DZIP3: variants seen among roughly 807,000 people sequenced by gnomAD.
DZIP3 encodes the protein DAZ interacting zinc finger protein 3, also known as E3 ubiquitin-protein ligase DZIP3.
Under a neutral mutation model 162.0 loss-of-function variants are expected in DZIP3, and 118 were observed. That is an observed-to-expected ratio of 0.73 (90% CI 0.63 to 0.85). The LOEUF is 0.85. DZIP3 is among the 40% of genes least tolerant of loss of function. The pLI is 0.00. For missense variants in DZIP3, 1,331 were observed against 1,407.0 expected, an observed-to-expected ratio of 0.95 and a Z score of 0.86; for synonymous variants, 438 against 458.6, an observed-to-expected ratio of 0.96 and a Z score of 0.57.
rs190488527 is a variant in DZIP3 at position 108,630,129 on chromosome 3, T to C, written c.696+953T>C. The stretch of plus-strand genomic sequence containing the variant: ...TATTCTTCAAATAGTGTGAGACTTT[T>C]CATTTTCCCACACCTTCTGGGTGTT... On this transcript the variant is annotated intron_variant, in intron 8 of 32. Transcript: ENST00000361582. Among the ~76,000 whole-genome samples the C allele has an allele frequency of 2.1e-3, 320 of 152,204 alleles. 1 individual carries two copies. Among genetic ancestry groups the C allele is most frequent in the Non-Finnish European group, 3.9e-3 (264 of 67,926 alleles).
Position 108,644,247 on chromosome 3 carries a change from C to G in DZIP3, c.1225C>G (p.Arg409Gly), listed in dbSNP as rs777080398. ...TATTATTTCTGGTACTGACATTGTT[C>G]GACAAATATTTGATGAGGCTATGCC... ...IIIISGTDIV[R>G]QIFDEAMPPP... Residue 409 changes from arginine to glycine, a missense_variant, in exon 14 of 33, where the codon CGA becomes GGA. Physicochemically the swap from Arg to Gly is moderately radical, Grantham distance 125. This residue lies in a region of DZIP3 where 1,278 missense variants were observed against 1,317.1 expected (regional missense o/e 0.97). Coordinates refer to ENST00000361582, the MANE Select transcript of DZIP3 (RefSeq NM_014648.4). 1.2e-6 allele frequency: 2 copies of G among 1,613,456 alleles called. No homozygotes were observed. The highest frequency in any genetic ancestry group is 1.7e-6 in the Non-Finnish European group (2 of 1,179,832).
intron 5 of DZIP3, among the ~76,000 whole-genome samples, chr3:108,624,215 T>C (rs1267428737): frequency 6.6e-6 from 1 of 152,224 alleles, no homozygotes; most frequent in Non-Finnish European, 1.5e-5. Flanking sequence ...TTCCTTTGAT[T>C]AAATTTTAAT....
At position 108,654,275 on chromosome 3, in the gene DZIP3, CT is replaced by C; in HGVS notation, c.2165del (p.Leu722ArgfsTer9). The stretch of plus-strand genomic sequence containing the variant: ...TGCAATGGAAGACAAGTTCTATAGC[CT>C]GGATGAATTGCATATTCTGGACATG... ...DSAMEDKFYSLDELHILDMIE... is the reference protein window; with the variant it reads ...DSAMEDKFYSXDELHILDMIE... On this transcript the variant is annotated frameshift_variant, in exon 19 of 33. Coordinates refer to ENST00000361582, the MANE Select transcript of DZIP3 (RefSeq NM_014648.4). LOFTEE classifies it high-confidence loss of function. 1.2e-6 allele frequency: 2 copies of C among 1,613,738 alleles called. No homozygotes were observed. The highest frequency in any genetic ancestry group is 1.7e-6 in the Non-Finnish European group (2 of 1,179,720).
intron 1 of DZIP3, among the ~76,000 whole-genome samples, chr3:108,593,271 C>A (rs1037884217): frequency 1.3e-5 from 2 of 152,190 alleles, no homozygotes; most frequent in African/African-American, 4.8e-5. Flanking sequence ...ATAACAACCC[C>A]ATGCTGTAGG....
intron 21 of DZIP3, among the ~76,000 whole-genome samples, chr3:108,665,384 T>A (rs1943624527): frequency 6.6e-6 from 1 of 152,042 alleles, no homozygotes; most frequent in Non-Finnish European, 1.5e-5. Context: ...ATCAGTGAAC[T>A]TGGGGACAGA....
chr3:108,595,902 G>A (rs1285438646), intron 1 of DZIP3, among the ~76,000 whole-genome samples: 1 of 152,114 alleles, frequency 6.6e-6, no homozygotes, highest in Admixed American at 6.5e-5. Context: ...TTGATGCTAG[G>A]TCCATTTCTA....
chr3:108,635,637 TTA>T (rs71930078), intron 10 of DZIP3, among the ~76,000 whole-genome samples: 29,505 of 146,182 alleles, frequency 0.2, 3,528 homozygotes, highest in East Asian at 0.44. Flanking sequence ...ATTATATAAG[TTA>T]TATATATATT....
chr3:108,627,071 C>T (rs1360000317), intron 7 of DZIP3, among the ~76,000 whole-genome samples: 2 of 152,154 alleles, frequency 1.3e-5, no homozygotes, highest in Non-Finnish European at 2.9e-5. Context: ...TGGGTCTGAG[C>T]AGCATGTGCC....
Position 108,629,105 on chromosome 3 carries a change from A to G in DZIP3, c.625A>G (p.Ile209Val). ...AGAATTTCATAAAAGCTTACAAGAA[A>G]TTGGAGACAAAAATGACCATTGGTT... ...LLEFHKSLQE[I>V]GDKNDHWFDI... Residue 209 changes from isoleucine (I) to valine (V), a missense_variant, in exon 8 of 33, where the codon ATT (isoleucine) becomes GTT (valine). Around this residue, in one of 2 missense-constraint regions of DZIP3, gnomAD observed 1,278 missense variants for 1,317.1 expected, o/e 0.97. Transcript: ENST00000361582. 6.2e-7 allele frequency: 1 copy of G among 1,604,680 alleles called. No homozygotes were observed. The highest frequency in any genetic ancestry group is 8.5e-7 in the Non-Finnish European group (1 of 1,177,072).
intron 12 of DZIP3, among the ~76,000 whole-genome samples, chr3:108,640,525 A>G (rs533882181): frequency 1.3e-5 from 2 of 148,148 alleles, no homozygotes; most frequent in East Asian, 4.0e-4. Context: ...GGCTCACTGC[A>G]ATCTCCACCT....
chr3:108,628,167 GC>G, intron 7 of DZIP3, among the ~76,000 whole-genome samples: 2 of 152,196 alleles, frequency 1.3e-5, no homozygotes, highest in Middle Eastern at 6.8e-3. Context: ...ATGAGCCACC[GC>G]ACCCAGCCAG....
intron 1 of DZIP3, among the ~76,000 whole-genome samples, chr3:108,595,244 A>G (rs1306616402): frequency 6.6e-6 from 1 of 152,088 alleles, no homozygotes. Context: ...GGGAGACAGC[A>G]TCTCACTTGG....
chr3:108,669,751 T>A lies in DZIP3; in HGVS notation c.2492+2T>A. ...TAAAGAGCAACTTTCTATGAAAAGG[T>A]ACAAACTTAGCTTTTTCTTTGGGTG... On this transcript the variant is annotated splice_donor_variant, in intron 22 of 32. Transcript: ENST00000361582. LOFTEE classifies it high-confidence loss of function. 6.2e-7 allele frequency: 1 copy of A among 1,608,438 alleles called. No individual in the cohort carries two copies. Among genetic ancestry groups the A allele is most frequent in the Non-Finnish European group, 8.5e-7 (1 of 1,176,098 alleles).
At chr3:108,623,132 A>C (rs2107559087) in intron 5 of DZIP3, among the ~76,000 whole-genome samples, 1 of 151,962 alleles carries the variant, frequency 6.6e-6, no homozygotes, top group South Asian at 2.1e-4. Flanking sequence ...TGGAAGTGGG[A>C]ACCCTGGAAG....
chr3:108,640,189 T>C (rs1049754064), intron 12 of DZIP3, among the ~76,000 whole-genome samples: 1 of 152,190 alleles, frequency 6.6e-6, no homozygotes, highest in African/African-American at 2.4e-5. Context: ...ATAATGTGTC[T>C]TCTGATCTTG....
intron 28 of DZIP3, among the ~76,000 whole-genome samples, chr3:108,687,454 TTG>T (rs1191733359): frequency 6.6e-6 from 1 of 152,178 alleles, no homozygotes; most frequent in Non-Finnish European, 1.5e-5. Flanking sequence ...ATTAAAATAA[TTG>T]TGGGTTCTTT....
chr3:108,659,153 T>G (rs1943294058), intron 19 of DZIP3, among the ~76,000 whole-genome samples: 2 of 152,178 alleles, frequency 1.3e-5, no homozygotes, highest in African/African-American at 4.8e-5. Flanking sequence ...GAGGCCAGCA[T>G]CATCCTGATA....
intron 21 of DZIP3, among the ~76,000 whole-genome samples, chr3:108,668,206 G>A (rs1282190146): frequency 6.6e-6 from 1 of 151,942 alleles, no homozygotes; most frequent in Non-Finnish European, 1.5e-5. Flanking sequence ...ACTTAACTTT[G>A]GATAAACTAC....
Position 108,688,026 on chromosome 3 carries a change from C to A in DZIP3, c.3200C>A (p.Ser1067Tyr). 1.2e-6 allele frequency: 2 copies of A among 1,613,634 alleles called. No homozygotes were observed. The highest frequency in any genetic ancestry group is 4.5e-5 in the East Asian group (2 of 44,750). Residue 1067 changes from serine to tyrosine, a missense_variant, in exon 29 of 33, where the codon TCC becomes TAC. Physicochemically the swap from Ser to Tyr is moderately radical, Grantham distance 144. This residue lies in a region of DZIP3 where 1,278 missense variants were observed against 1,317.1 expected (regional missense o/e 0.97). Coordinates refer to ENST00000361582, the MANE Select transcript of DZIP3 (RefSeq NM_014648.4). ...LRKLKDAYGKSLSELTFDEIV... is the reference protein window; with the variant it reads ...LRKLKDAYGKYLSELTFDEIV... ...AAATTGAAGGATGCTTATGGAAAATCCTTGTCTGAACTGACATTTGATGAA... is the reference window on the plus strand; with the variant it reads ...AAATTGAAGGATGCTTATGGAAAATACTTGTCTGAACTGACATTTGATGAA...
Sources: gnomAD v4.1 joint callset for allele counts (sites outside exome capture counted in the v4.1 genomes callset) on GRCh38, gnomAD v4.1.1 for gene constraint, gnomAD v4.1.1 regional missense constraint, MANE v1.5 for transcripts, NCBI Gene and HGNC (gene_info 2026-07-23, HGNC 2026-07-21) for gene names.